Variants in PRKN observed in about 807,000 individuals in gnomAD.
PRKN encodes the protein parkin RBR E3 ubiquitin protein ligase.
Under a neutral mutation model 59.5 loss-of-function variants are expected in PRKN, and 56 were observed. The observed-to-expected ratio is 0.94, with a 90% CI of 0.76 to 1.18. PRKN has a LOEUF of 1.18. PRKN is among the 50% of genes most tolerant of loss of function. The probability of loss-of-function intolerance (pLI) is 0.00; values close to 1 mark genes in which losing one functional copy is unlikely to be tolerated. For missense variants in PRKN, 657 were observed against 596.4 expected (o/e 1.10, Z -1.06); for synonymous variants, 250 against 222.1 (o/e 1.13, Z -1.12).
At chr6:161,768,339 T>C (rs1789517861) in intron 7 of PRKN, among the ~76,000 whole-genome samples, 1 of 152,224 alleles carries the variant, frequency 6.6e-6, no homozygotes, top group South Asian at 2.1e-4. Flanking sequence ...CGTGTGTACA[T>C]TTTATATGTT....
intron 5 of PRKN, among the ~76,000 whole-genome samples, chr6:162,025,820 C>G (rs1396189942): frequency 6.6e-6 from 1 of 151,586 alleles, no homozygotes; most frequent in African/African-American, 2.4e-5. Context: ...AACTCCTGAC[C>G]TCAAGTGATC....
chr6:161,424,524 G>A (rs897801615), intron 9 of PRKN, among the ~76,000 whole-genome samples: 6 of 152,000 alleles, frequency 3.9e-5, no homozygotes, highest in African/African-American at 1.5e-4. Context: ...GGCTTAGCTG[G>A]CTGTTTCAGA....
At chr6:162,054,535 T>C (rs114041857) in intron 4 of PRKN, among the ~76,000 whole-genome samples, 9,472 of 152,152 alleles carry the variant, frequency 0.062, 354 homozygotes, top group Non-Finnish European at 0.08. Flanking sequence ...TAATAATTAT[T>C]ACTACCATCC....
At chr6:161,698,510 T>C (rs1450807419) in intron 7 of PRKN, among the ~76,000 whole-genome samples, 1 of 152,142 alleles carries the variant, frequency 6.6e-6, no homozygotes, top group Non-Finnish European at 1.5e-5. Context: ...TTAGAATATG[T>C]AAACTGTTTT....
At chr6:161,646,084 T>C in intron 7 of PRKN, among the ~76,000 whole-genome samples, 1 of 87,118 alleles carries the variant, frequency 1.1e-5, no homozygotes, top group Non-Finnish European at 2.5e-5. Flanking sequence ...TGACTGCGTG[T>C]GCGTGCGTGG....
rs1227621573 is a variant in PRKN at position 161,545,609 on chromosome 6, C to T, written c.1083+3245G>A. 6.6e-6 allele frequency among the ~76,000 whole-genome samples: 1 copy of T among 152,104 alleles called. No homozygotes were observed. Among genetic ancestry groups the T allele is most frequent in the Non-Finnish European group, 1.5e-5 (1 of 68,026 alleles). ...GCAGCTTACAAGGTTATACAAACCACAGCAAAACAACATGTATCAGGAAAA... is the reference window on the plus strand; with the variant it reads ...GCAGCTTACAAGGTTATACAAACCATAGCAAAACAACATGTATCAGGAAAA... On this transcript the variant is annotated intron_variant, in intron 9 of 11. Coordinates refer to ENST00000366898, the MANE Select transcript of PRKN (RefSeq NM_004562.3). The surrounding 1 kb of genome is among the most constrained non-coding windows in gnomAD (Gnocchi z 4.1).
At chr6:162,293,925 G>A (rs777849127) in intron 2 of PRKN, among the ~76,000 whole-genome samples, 21 of 152,204 alleles carry the variant, frequency 1.4e-4, no homozygotes, top group Middle Eastern at 3.4e-3. Flanking sequence ...TGATCCGTCC[G>A]CCTCGGCCTC....
At chr6:161,383,158 CA>C (rs1452424672) in intron 10 of PRKN, among the ~76,000 whole-genome samples, 4 of 152,184 alleles carry the variant, frequency 2.6e-5, no homozygotes, top group Non-Finnish European at 5.9e-5. Flanking sequence ...AATGAAACTG[CA>C]GAGGTCATCC....
intron 6 of PRKN, among the ~76,000 whole-genome samples, chr6:161,819,036 C>T (rs1163319228): frequency 6.6e-6 from 1 of 152,158 alleles, no homozygotes; most frequent in Non-Finnish European, 1.5e-5. Context: ...CGGTTATGTT[C>T]TTGAAAATGT....
At chr6:162,676,041 G>C (rs1166396538) in intron 1 of PRKN, among the ~76,000 whole-genome samples, 2 of 152,170 alleles carry the variant, frequency 1.3e-5, no homozygotes, top group East Asian at 3.9e-4. Context: ...GCAACATGAT[G>C]AGAAAGCTTT....
intron 1 of PRKN, among the ~76,000 whole-genome samples, chr6:162,524,574 T>C (rs1352270551): frequency 6.6e-6 from 1 of 152,194 alleles, no homozygotes; most frequent in African/African-American, 2.4e-5. Flanking sequence ...TCTCTTCTCT[T>C]GAGCAACTTT....
At chr6:161,750,118 T>TATAC (rs1269147499) in intron 7 of PRKN, among the ~76,000 whole-genome samples, 30 of 137,826 alleles carry the variant, frequency 2.2e-4, no homozygotes, top group South Asian at 7.5e-4. Flanking sequence ...TATATATATA[T>TATAC]ACACACACAC....
At position 162,491,191 on chromosome 6, in the gene PRKN, A is replaced by C. The variant is rs542735436; in HGVS notation, c.8-47718T>G. 3.6e-4 allele frequency among the ~76,000 whole-genome samples: 54 copies of C among 150,036 alleles called. No homozygotes were observed. In the East Asian group the frequency reaches 7.9e-3, roughly 22 times the overall value. ...AGGCTGAGGCACACGATTCATTTGA[A>C]CCCAGGAGATGGAGGCTGCAGTGAG... On this transcript the variant is annotated intron_variant, in intron 1 of 11. Coordinates refer to ENST00000366898, the MANE Select transcript of PRKN (RefSeq NM_004562.3).
At chr6:162,417,667 C>T (rs1335592094) in intron 2 of PRKN, among the ~76,000 whole-genome samples, 7 of 152,168 alleles carry the variant, frequency 4.6e-5, no homozygotes, top group Non-Finnish European at 8.8e-5. Context: ...TAGCAGGGAA[C>T]CTCCCTGTGC....
intron 2 of PRKN, among the ~76,000 whole-genome samples, chr6:162,263,104 G>C (rs1779967565): frequency 6.6e-6 from 1 of 152,216 alleles, no homozygotes; most frequent in East Asian, 1.9e-4. Flanking sequence ...CCCCAAGACA[G>C]AGTCTCACTC....
chr6:161,849,494 C>G (rs3798219), intron 6 of PRKN, among the ~76,000 whole-genome samples: 1 of 151,932 alleles, frequency 6.6e-6, no homozygotes, highest in South Asian at 2.1e-4. Context: ...TTGTGTTTGC[C>G]GAAACCCACC....
chr6:161,858,931 G>C (rs898554898), intron 6 of PRKN, among the ~76,000 whole-genome samples: 195 of 124,480 alleles, frequency 1.6e-3, no homozygotes, highest in Non-Finnish European at 3.0e-3. Context: ...GCGTGATCTT[G>C]GCTCACTGCA....
chr6:161,957,440 T>G (rs1019837877), intron 6 of PRKN, among the ~76,000 whole-genome samples: 17 of 143,056 alleles, frequency 1.2e-4, no homozygotes, highest in East Asian at 4.2e-4. Context: ...TTGTTTGTTT[T>G]TTTGAGCCAG....
intron 5 of PRKN, among the ~76,000 whole-genome samples, chr6:162,021,462 T>TATATATATATATATATA (rs1554261961): frequency 1.0e-4 from 4 of 38,788 alleles, no homozygotes; most frequent in African/African-American, 2.1e-4. Context: ...TATATATATA[T>TATATATATATATATATA]TTTTTTTTTT....
Sources: gnomAD v4.1 joint callset for allele counts (sites outside exome capture counted in the v4.1 genomes callset) on GRCh38, gnomAD v4.1.1 for gene constraint, Gnocchi (gnomAD v3.1) non-coding constraint, MANE v1.5 for transcripts, NCBI Gene and HGNC (gene_info 2026-07-23, HGNC 2026-07-21) for gene names.